PPFIA2: variants seen among roughly 807,000 people sequenced by gnomAD.
PPFIA2 encodes PPFI scaffold protein A2.
Under a neutral mutation model 175.5 loss-of-function variants are expected in PPFIA2, and 46 were observed. The observed-to-expected ratio is 0.26, with a 90% CI of 0.21 to 0.34. The LOEUF (loss-of-function observed/expected upper bound fraction) is 0.34, where lower values mean the gene tolerates loss of function less well. PPFIA2 is among the 10% of genes least tolerant of loss of function. The pLI, the probability that PPFIA2 is intolerant of heterozygous loss-of-function variation, is 1.00. For synonymous variants in PPFIA2, 568 were observed against 511.4 expected (o/e 1.11, Z -1.49); for missense variants, 1,179 against 1,506.1 (o/e 0.78, Z 3.60).
At chr12:81,515,304 G>C (rs1420842719) in intron 4 of PPFIA2, among the ~76,000 whole-genome samples, 1 of 151,804 alleles carries the variant, frequency 6.6e-6, no homozygotes, top group Admixed American at 6.6e-5. Flanking sequence ...TTTCCTGTAG[G>C]ATAGAAAGCG....
At chr12:81,380,110 A>G (rs1364831773) in intron 9 of PPFIA2, among the ~76,000 whole-genome samples, 2 of 152,198 alleles carry the variant, frequency 1.3e-5, no homozygotes, top group African/African-American at 2.4e-5. Context: ...TTATGCCTAT[A>G]ATTGCAGCCC....
rs1593724145 is a variant in PPFIA2 at position 81,482,985 on chromosome 12, A to G, written c.304-25119T>C. On this transcript the variant is annotated intron_variant, in intron 4 of 32. Coordinates refer to ENST00000549396, the MANE Select transcript of PPFIA2 (RefSeq NM_003625.5). ...ACACAATTTCAGGATATACTATGAT[A>G]CATATTATTTGTGATAAAAATTGAA... 2.0e-5 allele frequency among the ~76,000 whole-genome samples: 3 copies of G among 152,272 alleles called. No individual in the cohort carries two copies. The South Asian group carries it at 6.2e-4, about 32-fold the overall frequency.
intron 2 of PPFIA2, 116 bp from the exon 3 acceptor site, chr12:81,754,339 C>T: frequency 7.7e-7 from 1 of 1,298,640 alleles, no homozygotes; most frequent in Non-Finnish European, 1.1e-6. Context: ...CTCTATTTCC[C>T]CTACCTGTTG....
rs2077366293 is a variant in PPFIA2 at position 81,707,673 on chromosome 12, T to C, written c.250-30829A>G. Among the ~76,000 whole-genome samples, 3 of 150,858 alleles carry C rather than the reference T, an allele frequency of 2.0e-5. No individual in the cohort carries two copies. The Admixed American group carries it at 2.0e-4, about 10-fold the overall frequency. ...TTGACCCAGCCATCCCATTACTGGG[T>C]ATATACCCAAAGGACTATAAATCAT... On this transcript the variant is annotated intron_variant, in intron 3 of 32. Transcript: ENST00000549396.
intron 4 of PPFIA2, among the ~76,000 whole-genome samples, chr12:81,621,843 G>A (rs1382227936): frequency 6.6e-6 from 1 of 152,172 alleles, no homozygotes; most frequent in African/African-American, 2.4e-5. Context: ...ACATGGAGAT[G>A]TCAAGTGGGT....
intron 4 of PPFIA2, among the ~76,000 whole-genome samples, chr12:81,599,475 A>G (rs755349102): frequency 1.8e-4 from 28 of 152,010 alleles, no homozygotes; most frequent in Non-Finnish European, 3.7e-4. Flanking sequence ...TGCTAAATAA[A>G]CCAGAAAATT....
At chr12:81,457,156 G>T (rs2053716684) in intron 5 of PPFIA2, among the ~76,000 whole-genome samples, 1 of 151,720 alleles carries the variant, frequency 6.6e-6, no homozygotes, top group Non-Finnish European at 1.5e-5. Context: ...GCTGACTTTT[G>T]TATTTATAGT....
chr12:81,404,488 G>T (rs530827563), intron 8 of PPFIA2, among the ~76,000 whole-genome samples: 1 of 152,268 alleles, frequency 6.6e-6, no homozygotes, highest in African/African-American at 2.4e-5. Flanking sequence ...TTATTAAAGA[G>T]CTTGGTGGTG....
chr12:81,438,258 A>T (rs536593677), intron 7 of PPFIA2, among the ~76,000 whole-genome samples: 70 of 152,238 alleles, frequency 4.6e-4, no homozygotes, highest in Admixed American at 2.1e-3. Context: ...TCACTAGGTT[A>T]GGAGTTCAAG....
intron 7 of PPFIA2, among the ~76,000 whole-genome samples, chr12:81,437,522 C>T (rs1229216086): frequency 1.3e-5 from 2 of 152,142 alleles, no homozygotes; most frequent in Non-Finnish European, 1.5e-5. Context: ...TGTGAACCAC[C>T]ACACCTGGCC....
At chr12:81,338,034 T>C (rs2057399118) in intron 21 of PPFIA2, among the ~76,000 whole-genome samples, 1 of 152,134 alleles carries the variant, frequency 6.6e-6, no homozygotes, top group Non-Finnish European at 1.5e-5. Context: ...CAGTTTCCTG[T>C]AGCTTCCGAT....
Position 81,491,101 on chromosome 12 carries a change from T to C in PPFIA2, c.304-33235A>G, listed in dbSNP as rs80224078. On this transcript the variant is annotated intron_variant, in intron 4 of 32. Transcript: ENST00000549396. ...TCATCTTCTGAGATAAGGCTTCCCT[T>C]TTCACCCACTCTACAGTAGGTTTCT... 3.2e-3 allele frequency among the ~76,000 whole-genome samples: 480 copies of C among 152,022 alleles called. 2 individuals carry two copies. Among genetic ancestry groups the C allele is most frequent in the African/African-American group, 0.011 (462 of 41,502 alleles).
intron 4 of PPFIA2, among the ~76,000 whole-genome samples, chr12:81,504,380 C>A (rs758097131): frequency 1.3e-5 from 2 of 151,930 alleles, no homozygotes; most frequent in African/African-American, 4.8e-5. Flanking sequence ...ATATGGCCAA[C>A]AAGCATATGA....
At chr12:81,758,340 G>A (rs2085017223) in intron 2 of PPFIA2, 60 bp downstream of exon 2, 2 of 454,764 alleles carry the variant, frequency 4.4e-6, no homozygotes, top group Non-Finnish European at 8.9e-6. Context: ...GGTGGGGCCG[G>A]GGAGGTGGTC....
Position 81,519,025 on chromosome 12 carries a change from G to A in PPFIA2, c.304-61159C>T, listed in dbSNP as rs545670671. On this transcript the variant is annotated intron_variant, in intron 4 of 32. Transcript: ENST00000549396. ...GAAAAATCAATTGTGTAAAGCCAAT[G>A]ATATACAAAATAAACAAATGTATTC... is the stretch of plus-strand genomic sequence containing the variant. 3.3e-5 allele frequency among the ~76,000 whole-genome samples: 5 copies of A among 152,184 alleles called. No homozygotes were observed. The South Asian group carries it at 1.0e-3, about 32-fold the overall frequency.
At chr12:81,569,557 C>T (rs963698663) in intron 4 of PPFIA2, among the ~76,000 whole-genome samples, 1 of 152,034 alleles carries the variant, frequency 6.6e-6, no homozygotes, top group Non-Finnish European at 1.5e-5. Context: ...TTTCAAAATG[C>T]ATTCATTGAA....
chr12:81,551,043 A>G (rs2153368585), intron 4 of PPFIA2, among the ~76,000 whole-genome samples: 1 of 152,022 alleles, frequency 6.6e-6, no homozygotes, highest in Middle Eastern at 3.4e-3. Flanking sequence ...GTAGAAGAAC[A>G]GAAAAGATAG....
At chr12:81,735,302 T>C (rs1396027052) in intron 3 of PPFIA2, among the ~76,000 whole-genome samples, 2 of 151,922 alleles carry the variant, frequency 1.3e-5, no homozygotes, top group Admixed American at 6.6e-5. Flanking sequence ...ATAAAAATTC[T>C]AGATGGTGTG....
chr12:81,657,118 C>T (rs1432778700), intron 4 of PPFIA2, among the ~76,000 whole-genome samples: 1 of 152,124 alleles, frequency 6.6e-6, no homozygotes, highest in Non-Finnish European at 1.5e-5. Flanking sequence ...TGTCTAGTTA[C>T]AGAAGAAAAG....
Sources: gnomAD v4.1 joint callset for allele counts (sites outside exome capture counted in the v4.1 genomes callset) on GRCh38, gnomAD v4.1.1 for gene constraint, MANE v1.5 for transcripts, NCBI Gene and HGNC (gene_info 2026-07-23, HGNC 2026-07-21) for gene names.